The following SH2B1 variants were observed in gnomAD, a reference collection of about 807,000 sequenced individuals.
The protein encoded by SH2B1 is SH2B adapter protein 1.
A neutral mutation model predicts 62.6 loss-of-function variants in SH2B1; 15 were observed. The observed-to-expected ratio is 0.24, with a 90% CI of 0.16 to 0.37. The LOEUF is 0.37. SH2B1 is among the 10% of genes least tolerant of loss of function. The pLI is 1.00. For missense variants in SH2B1, 925 were observed against 1,015.6 expected, an observed-to-expected ratio of 0.91 and a Z score of 1.21; for synonymous variants, 443 against 438.0, an observed-to-expected ratio of 1.01 and a Z score of -0.14.
chr16:28,863,842 G>T, upstream of SH2B1: 1 of 1,531,428 alleles, frequency 6.5e-7, no homozygotes, highest in Non-Finnish European at 8.7e-7. Flanking sequence ...ACGCCTGCGC[G>T]GAACCGGGCT....
intron 2 of SH2B1, among the ~76,000 whole-genome samples, chr16:28,868,432 G>A (rs928881104): frequency 5.9e-5 from 9 of 151,818 alleles, no homozygotes; most frequent in African/African-American, 2.2e-4. Context: ...GAGCCACTGC[G>A]CCTGGCCTAT....
intron 1 of SH2B1, among the ~76,000 whole-genome samples, chr16:28,857,048 C>G (rs916095453): frequency 3.9e-5 from 6 of 151,992 alleles, no homozygotes; most frequent in Admixed American, 6.6e-5. Flanking sequence ...TTTGGGAGGC[C>G]GAGGTGGGAG....
At chr16:28,849,621 G>T (rs1474612917) in intron 1 of SH2B1, among the ~76,000 whole-genome samples, 1 of 152,042 alleles carries the variant, frequency 6.6e-6, no homozygotes, top group Non-Finnish European at 1.5e-5. Context: ...AAAGAATATT[G>T]TTTGGTAGAT....
intron 1 of SH2B1, 142 bp from the exon 2 acceptor site, chr16:28,867,189 T>C: frequency 1.6e-6 from 2 of 1,249,516 alleles, no homozygotes; most frequent in Admixed American, 1.8e-5. Context: ...TGTTAGCAGC[T>C]GCGGGCAGGA....
At chr16:28,848,330 C>T (rs976927857) in intron 1 of SH2B1, among the ~76,000 whole-genome samples, 1 of 152,006 alleles carries the variant, frequency 6.6e-6, no homozygotes, top group Non-Finnish European at 1.5e-5. Context: ...ACCAGCTACT[C>T]AGGAGGCTGA....
At chr16:28,848,288 A>G (rs1239324674) in intron 1 of SH2B1, among the ~76,000 whole-genome samples, 1 of 152,082 alleles carries the variant, frequency 6.6e-6, no homozygotes, top group East Asian at 1.9e-4. Flanking sequence ...AATACAAAAA[A>G]TTAGCTGGGC....
Position 28,872,053 on chromosome 16 carries a change from C to A in SH2B1, c.1513+70C>A. On this transcript the variant is annotated intron_variant, in intron 5 of 7. Transcript: ENST00000684370. The surrounding 1 kb of genome is among the most constrained non-coding windows in gnomAD (Gnocchi z 5.3). Reference sequence around the variant, plus strand: ...CCTTCCTGACCACCTCTCCTGGGATCCCGAGGGAGCTGGCCCAGGGGAGTT... The same window carrying A: ...CCTTCCTGACCACCTCTCCTGGGATACCGAGGGAGCTGGCCCAGGGGAGTT... The A allele has an allele frequency of 7.5e-7, 1 of 1,336,464 alleles. No homozygotes were observed. Among genetic ancestry groups the A allele is most frequent in the Non-Finnish European group, 1.1e-6 (1 of 932,778 alleles). The allele number at this position is 1,336,464 out of a possible 1,614,324, so 82.8% of individuals were successfully genotyped here. A position where few individuals can be genotyped will look rare whatever the true frequency, so the allele number is the denominator to read the frequency against.
chr16:28,866,374 C>A lies in SH2B1; in HGVS notation c.280C>A (p.Pro94Thr). The part of the protein sequence containing the change: ...SGSLSPPILA[P>T]LSPGAEISPH... ...CTCCCTGTCGCCACCCATCCTGGCTCCCCTGAGCCCTGGTGCGGAGATTTC... is the reference window on the plus strand; with the variant it reads ...CTCCCTGTCGCCACCCATCCTGGCTACCCTGAGCCCTGGTGCGGAGATTTC... The change falls in exon 1 of 8, where the codon CCC (proline) becomes ACC (threonine). Residue 94 changes from proline to threonine, a missense_variant. Pro to Thr is a conservative substitution (Grantham distance 38). Coordinates refer to ENST00000684370, the MANE Select transcript of SH2B1 (RefSeq NM_001387430.1). The surrounding 1 kb of genome is among the most constrained non-coding windows in gnomAD (Gnocchi z 6.3). 1 of 1,613,514 alleles carries A rather than the reference C, an allele frequency of 6.2e-7. No homozygotes were observed. The highest frequency in any genetic ancestry group is 8.5e-7 in the Non-Finnish European group (1 of 1,180,004).
chr16:28,853,026 A>ATATATATGTACATATATATT (rs1436073143), intron 1 of SH2B1, among the ~76,000 whole-genome samples: 1 of 72,704 alleles, frequency 1.4e-5, no homozygotes, highest in African/African-American at 7.1e-5. Flanking sequence ...ATATATGTAC[A>ATATATATGTACATATATATT]TATATATGTA....
At chr16:28,867,129 T>C (rs1370477000) in intron 1 of SH2B1, 96 bp downstream of exon 1, 13 of 1,526,292 alleles carry the variant, frequency 8.5e-6, no homozygotes, top group African/African-American at 8.2e-5. Flanking sequence ...TACCAGCCCA[T>C]GGCCCTGGTG....
In SH2B1 at chr16:28,866,484, C is replaced by T. The variant is rs543147238; in HGVS notation, c.390C>T (p.Ala130=). The T allele has an allele frequency of 1.1e-5, 17 of 1,614,076 alleles. 1 individual carries two copies. The highest frequency in any genetic ancestry group is 5.0e-5 in the Admixed American group (3 of 60,008). ...CTTCTCGATCATCTGAGGACCTGGCCGGCCCCCTCCCTTCCTCAGTCTCTT... is the reference window on the plus strand; with the variant it reads ...CTTCTCGATCATCTGAGGACCTGGCTGGCCCCCTCCCTTCCTCAGTCTCTT... ...LGPSRSSEDL[A]GPLPSSVSSS... Residue 130 remains alanine (A), a synonymous_variant, in exon 1 of 8, where the codon GCC becomes GCT. Coordinates refer to ENST00000684370, the MANE Select transcript of SH2B1 (RefSeq NM_001387430.1). This position sits in a 1 kb window ranked among gnomAD's most constrained non-coding sequence, Gnocchi z 6.3.
rs1962602095 is a variant in SH2B1, at chr16:28,864,915, A to T, written c.-1180A>T. On this transcript the variant is annotated 5_prime_UTR_variant, in exon 1 of 8. Transcript: ENST00000684370. ...CCCCATTCCATGTAATTCTCTCAACATTTCGAGGGGAGGGATCATTAGCTT... is the reference window on the plus strand; with the variant it reads ...CCCCATTCCATGTAATTCTCTCAACTTTTCGAGGGGAGGGATCATTAGCTT... 7.8e-6 allele frequency: 2 copies of T among 255,902 alleles called. No homozygotes were observed. Among genetic ancestry groups the T allele is most frequent in the South Asian group, 2.9e-4 (2 of 6,894 alleles). 15.9% of individuals were successfully genotyped at this position (255,902 alleles called of 1,614,324 possible). A position where few individuals can be genotyped will look rare whatever the true frequency, so the allele number is the denominator to read the frequency against.
At chr16:28,863,428 C>G (rs1962518352), upstream of SH2B1, 2 of 444,428 alleles carry the variant, frequency 4.5e-6, no homozygotes, top group Non-Finnish European at 8.1e-6. Context: ...TGGCGTTGTC[C>G]GCGTGCCCCT....
intron 1 of SH2B1, among the ~76,000 whole-genome samples, chr16:28,847,816 C>CTTTTTT (rs34950443): frequency 1.2e-5 from 1 of 84,244 alleles, no homozygotes; most frequent in Non-Finnish European, 2.2e-5. Flanking sequence ...AAGACCCCAT[C>CTTTTTT]TTTTTTTTTT....
At chr16:28,868,832 C>T (rs1236155516) in intron 2 of SH2B1, among the ~76,000 whole-genome samples, 174 bp from the exon 3 acceptor site, 1 of 152,158 alleles carries the variant, frequency 6.6e-6, no homozygotes, top group Non-Finnish European at 1.5e-5. Flanking sequence ...CTCCTGGGCT[C>T]AAGTGATCCT....
At position 28,865,058 on chromosome 16, in the gene SH2B1, C is replaced by G. The variant is rs117495550; in HGVS notation, c.-1037C>G. The G allele has an allele frequency of 1.0e-6, 1 of 984,526 alleles. No individual in the cohort carries two copies. The highest frequency in any genetic ancestry group is 1.1e-4 in the East Asian group (1 of 8,832). The allele number at this position is 984,526 out of a possible 1,614,324, so 61.0% of individuals were successfully genotyped here. A position where few individuals can be genotyped will look rare whatever the true frequency, so the allele number is the denominator to read the frequency against. ...AGGTGGTTTGAGCCCTGGTCTGACT[C>G]AAGTCCATGGCCTTAACCAGAAGGC... On this transcript the variant is annotated 5_prime_UTR_variant, in exon 1 of 8. Coordinates refer to ENST00000684370, the MANE Select transcript of SH2B1 (RefSeq NM_001387430.1).
chr16:28,868,106 G>C lies in SH2B1; in HGVS notation c.1041+674G>C, dbSNP rs1596625948. ...CTCCCAAAGTGTTGGGATCACAGGCGTGAGCCACTGTGCCTGGCCTTATTT... is the reference window on the plus strand; with the variant it reads ...CTCCCAAAGTGTTGGGATCACAGGCCTGAGCCACTGTGCCTGGCCTTATTT... On this transcript the variant is annotated intron_variant, in intron 2 of 7. Coordinates refer to ENST00000684370, the MANE Select transcript of SH2B1 (RefSeq NM_001387430.1). Among the ~76,000 whole-genome samples the C allele has an allele frequency of 3.3e-5, 5 of 152,194 alleles. 1 individual carries two copies. The highest frequency in any genetic ancestry group is 3.3e-4 in the Admixed American group (5 of 15,282).
In SH2B1 at chr16:28,865,529, T is replaced by C; in HGVS notation, c.-566T>C. ...AGCCGGGCCCTGGGGACAGGGACTA[T>C]GAAGTGGGGAAAACAGTAGACTTGG... On this transcript the variant is annotated 5_prime_UTR_variant, in exon 1 of 8. The change abolishes an upstream ATG in the 5' untranslated region. Transcript: ENST00000684370. 3 of 985,630 alleles carry C rather than the reference T, an allele frequency of 3.0e-6. No homozygotes were observed. The highest frequency in any genetic ancestry group is 3.6e-6 in the Non-Finnish European group (3 of 830,024). The allele number at this position is 985,630 out of a possible 1,614,324, so 61.1% of individuals were successfully genotyped here.
At position 28,868,666 on chromosome 16, in the gene SH2B1, C is replaced by T. The variant is rs191360442; in HGVS notation, c.1042-340C>T. Among the ~76,000 whole-genome samples, 237 of 152,230 alleles carry T rather than the reference C, an allele frequency of 1.6e-3. 6 individuals carry two copies. In the South Asian group the frequency reaches 0.016, roughly 10 times the overall value. ...AGAGACAGGGTTTCACCACATTGGTCATGTTGGTCTCGAACTCTTGACCTT... is the reference window on the plus strand; with the variant it reads ...AGAGACAGGGTTTCACCACATTGGTTATGTTGGTCTCGAACTCTTGACCTT... On this transcript the variant is annotated intron_variant, in intron 2 of 7. Transcript: ENST00000684370.
Sources: allele counts gnomAD v4.1 joint callset (sites outside exome capture counted in the v4.1 genomes callset), GRCh38; gene constraint gnomAD v4.1.1; non-coding constraint Gnocchi (gnomAD v3.1); transcripts MANE v1.5; gene names NCBI Gene and HGNC (gene_info 2026-07-23, HGNC 2026-07-21).